The following TAFA4 variants were observed in gnomAD, a reference collection of about 807,000 sequenced individuals.
TAFA4 encodes chemokine-like protein TAFA-4.
In TAFA4, 20 loss-of-function variants were observed where a neutral mutation model predicts 21.1. The ratio of observed to expected loss-of-function variants is 0.95; its 90% CI spans 0.67 to 1.38. TAFA4 has a LOEUF of 1.38. Among genes scored for constraint, TAFA4 ranks in the 40% most tolerant of loss-of-function variants. TAFA4 has a pLI of 0.00. For missense variants in TAFA4, 211 were observed against 180.9 expected, an observed-to-expected ratio of 1.17 and a Z score of -0.95; for synonymous variants, 71 against 67.4, an observed-to-expected ratio of 1.05 and a Z score of -0.26.
chr3:68,798,905 G>C (rs758952118), intron 3 of TAFA4, among the ~76,000 whole-genome samples: 8 of 152,160 alleles, frequency 5.3e-5, no homozygotes, highest in Non-Finnish European at 1.2e-4. Flanking sequence ...TTTCAGCGTG[G>C]TCATTGCAAT....
rs187696110 is a variant in TAFA4 at position 68,737,141 on chromosome 3, C to T, written c.411+1934G>A. Among the ~76,000 whole-genome samples the T allele has an allele frequency of 4.6e-5, 7 of 152,192 alleles. No homozygotes were observed. In the East Asian group the frequency reaches 1.4e-3, roughly 29 times the overall value. The stretch of plus-strand genomic sequence containing the variant: ...TTATATTTATATATAAAAATCAATA[C>T]AAATATAATCTTCCAAAATATTATT... On this transcript the variant is annotated intron_variant, in intron 5 of 5. Coordinates refer to ENST00000295569, the MANE Select transcript of TAFA4 (RefSeq NM_182522.5).
chr3:68,886,650 T>C (rs1246776682), intron 1 of TAFA4, among the ~76,000 whole-genome samples: 8 of 152,208 alleles, frequency 5.3e-5, no homozygotes, highest in Admixed American at 2.0e-4. Context: ...TGCGACCTAA[T>C]AGTTCATATG....
At chr3:68,749,028 A>T (rs1175996189) in intron 4 of TAFA4, among the ~76,000 whole-genome samples, 1 of 152,246 alleles carries the variant, frequency 6.6e-6, no homozygotes, top group African/African-American at 2.4e-5. Context: ...TTCACAAAGA[A>T]GAATGCTTAC....
intron 1 of TAFA4, among the ~76,000 whole-genome samples, chr3:68,904,745 T>A (rs1011712166): frequency 1.3e-5 from 2 of 151,988 alleles, no homozygotes; most frequent in African/African-American, 4.8e-5. Flanking sequence ...GGACAGGAGG[T>A]GAGGCCATTT....
intron 1 of TAFA4, among the ~76,000 whole-genome samples, chr3:68,894,601 T>C (rs2089767490): frequency 6.6e-6 from 1 of 152,200 alleles, no homozygotes; most frequent in Non-Finnish European, 1.5e-5. Context: ...CAAGACTGAT[T>C]CTTGTCAATT....
intron 1 of TAFA4, among the ~76,000 whole-genome samples, chr3:68,908,059 T>G (rs1278412337): frequency 1.3e-5 from 2 of 152,208 alleles, no homozygotes; most frequent in African/African-American, 4.8e-5. Flanking sequence ...TTATAAAATC[T>G]GGAATTCAGC....
intron 1 of TAFA4, among the ~76,000 whole-genome samples, chr3:68,902,251 T>TAC (rs2089851703): frequency 1.2e-5 from 1 of 80,306 alleles, no homozygotes; most frequent in Non-Finnish European, 4.0e-5. Flanking sequence ...TCTGCCCTCT[T>TAC]AACCATCGGG....
intron 3 of TAFA4, among the ~76,000 whole-genome samples, chr3:68,869,392 G>A (rs562563212): frequency 8.7e-4 from 133 of 152,058 alleles, no homozygotes; most frequent in Non-Finnish European, 1.6e-3. Context: ...ACCAAAACCA[G>A]ATAAGGACAC....
At chr3:68,748,979 T>A (rs1354380795) in intron 4 of TAFA4, among the ~76,000 whole-genome samples, 1 of 152,198 alleles carries the variant, frequency 6.6e-6, no homozygotes, top group Non-Finnish European at 1.5e-5. Context: ...TAGAATATAG[T>A]TTCCACCATA....
At chr3:68,913,503 G>A (rs971203292) in intron 1 of TAFA4, 4 of 152,190 alleles carry the variant, frequency 2.6e-5, no homozygotes, top group Admixed American at 6.5e-5. Context: ...AAGAAGAAGC[G>A]GAAAGATGTG....
intron 4 of TAFA4, among the ~76,000 whole-genome samples, chr3:68,739,887 G>A (rs1028497771): frequency 2.0e-5 from 3 of 152,196 alleles, no homozygotes; most frequent in South Asian, 2.1e-4. Flanking sequence ...TGGGAAGGAC[G>A]AGAAGTTACT....
At chr3:68,793,759 C>T (rs1216772862) in intron 3 of TAFA4, among the ~76,000 whole-genome samples, 4 of 152,192 alleles carry the variant, frequency 2.6e-5, no homozygotes, top group African/African-American at 9.7e-5. Flanking sequence ...AAGTTTAATT[C>T]ACCCTGTAAC....
At chr3:68,898,434 C>T (rs2089813134) in intron 1 of TAFA4, among the ~76,000 whole-genome samples, 2 of 152,188 alleles carry the variant, frequency 1.3e-5, no homozygotes, top group Non-Finnish European at 2.9e-5. Flanking sequence ...GGGCGGATCA[C>T]CTGAGGTCAG....
At chr3:68,819,538 A>G (rs1460072914) in intron 3 of TAFA4, among the ~76,000 whole-genome samples, 1 of 152,192 alleles carries the variant, frequency 6.6e-6, no homozygotes, top group East Asian at 1.9e-4. Context: ...CATGGATTGT[A>G]TTTGCAAAAC....
At position 68,808,770 on chromosome 3, in the gene TAFA4, A is replaced by G. The variant is rs902248766; in HGVS notation, c.131-55752T>C. The stretch of plus-strand genomic sequence containing the variant: ...TAGGTTAAGTTACACTGCAATAACA[A>G]AAAAGCCCAAAATATCAATGGCTCA... On this transcript the variant is annotated intron_variant, in intron 3 of 5. Transcript: ENST00000295569. Among the ~76,000 whole-genome samples the G allele has an allele frequency of 1.4e-4, 22 of 152,232 alleles. 1 individual carries two copies. Among genetic ancestry groups the G allele is most frequent in the Admixed American group, 3.9e-4 (6 of 15,276 alleles).
chr3:68,818,497 T>A (rs1006102876), intron 3 of TAFA4, among the ~76,000 whole-genome samples: 1 of 152,228 alleles, frequency 6.6e-6, no homozygotes. Flanking sequence ...TTTCAGCATA[T>A]CCCAGCGTAT....
chr3:68,863,407 T>C (rs901565165), intron 3 of TAFA4, among the ~76,000 whole-genome samples: 6 of 152,168 alleles, frequency 3.9e-5, no homozygotes, highest in Admixed American at 3.9e-4. Context: ...CAAAATGCCA[T>C]CAACACATGC....
At chr3:68,780,532 T>C (rs1350293697) in intron 3 of TAFA4, among the ~76,000 whole-genome samples, 1 of 152,170 alleles carries the variant, frequency 6.6e-6, no homozygotes, top group Non-Finnish European at 1.5e-5. Flanking sequence ...CTGATGGTTT[T>C]AAAAAGAGGC....
At chr3:68,746,840 G>C (rs1348235379) in intron 4 of TAFA4, among the ~76,000 whole-genome samples, 1 of 152,142 alleles carries the variant, frequency 6.6e-6, no homozygotes, top group African/African-American at 2.4e-5. Context: ...CATACTTTGG[G>C]AACCTCTAAG....
Sources: allele counts gnomAD v4.1 joint callset (sites outside exome capture counted in the v4.1 genomes callset), GRCh38; gene constraint gnomAD v4.1.1; transcripts MANE v1.5; gene names NCBI Gene and HGNC (gene_info 2026-07-23, HGNC 2026-07-21).